Variants in TAMM41 observed in about 807,000 individuals in gnomAD.
TAMM41 encodes the protein phosphatidate cytidylyltransferase, mitochondrial.
A neutral mutation model predicts 44.1 loss-of-function variants in TAMM41; 36 were observed. The observed-to-expected ratio is 0.82, with a 90% CI of 0.63 to 1.08. The LOEUF (loss-of-function observed/expected upper bound fraction) is 1.08. Among genes scored for constraint, TAMM41 ranks in the 50% least tolerant of loss-of-function variants. The pLI is 0.00. For synonymous variants in TAMM41, 164 were observed against 153.1 expected (o/e 1.07, Z -0.53); for missense variants, 417 against 404.3 (o/e 1.03, Z -0.27).
At chr3:11,781,887 G>C in the TAMM41 span, among the ~76,000 whole-genome samples, 2 of 152,120 alleles carry the variant, frequency 1.3e-5, no homozygotes, top group Admixed American at 6.5e-5. Context: ...TAAGGTGAAG[G>C]AGTTTAGATG....
intron 3 of TAMM41, among the ~76,000 whole-genome samples, chr3:11,835,944 C>T (rs1008850671): frequency 6.6e-6 from 1 of 151,766 alleles, no homozygotes. Context: ...TTCTGAAACA[C>T]TGAGTTCTTC....
At chr3:11,773,634 A>G in the TAMM41 span, among the ~76,000 whole-genome samples, 3 of 152,216 alleles carry the variant, frequency 2.0e-5, no homozygotes, top group South Asian at 6.2e-4. Context: ...GTAGCTCAAC[A>G]GCTTGTTTTC....
At chr3:11,738,563 G>A in the TAMM41 span, among the ~76,000 whole-genome samples, 1 of 152,124 alleles carries the variant, frequency 6.6e-6, no homozygotes, top group South Asian at 2.1e-4. Flanking sequence ...GCCCTTAGGA[G>A]TACCCACCGA....
Position 11,809,520 on chromosome 3 carries a change from G to T in TAMM41, c.871C>A (p.Leu291Ile). Residue 291 changes from leucine to isoleucine, a missense_variant, in exon 6 of 8, where the codon CTA becomes ATA. Physicochemically the swap from Leu to Ile is conservative, Grantham distance 5. Coordinates refer to ENST00000455809, the MANE Select transcript of TAMM41 (RefSeq NM_001284401.2). ...AACATCAAATTCATAAACGTACCTA[G>T]TCGCACCACATCTCCACAGTCGGGA... ...HDPDCGDVVRLGLSAIVRPSS... is the reference protein window; with the variant it reads ...HDPDCGDVVRIGLSAIVRPSS... 1 of 1,613,622 alleles carries T rather than the reference G, an allele frequency of 6.2e-7. No homozygotes were observed. The highest frequency in any genetic ancestry group is 8.5e-7 in the Non-Finnish European group (1 of 1,179,942).
chr3:11,814,258 C>T (rs961960976), intron 5 of TAMM41, among the ~76,000 whole-genome samples: 1 of 151,906 alleles, frequency 6.6e-6, no homozygotes, highest in Non-Finnish European at 1.5e-5. Context: ...TCTAACATAA[C>T]AGACTAGAGT....
In TAMM41 at chr3:11,835,385, A is replaced by G. The variant is rs945631408; in HGVS notation, c.411+3837T>C. ...AAAATATGTTCATCACTTTCAAATG[A>G]CTTTATGATACCCTAATTTTCTTGT... On this transcript the variant is annotated intron_variant, in intron 3 of 7. Transcript: ENST00000455809. Among the ~76,000 whole-genome samples the G allele has an allele frequency of 5.3e-5, 8 of 152,328 alleles. No individual in the cohort carries two copies. The South Asian group carries it at 6.2e-4, about 12-fold the overall frequency.
chr3:11,762,290 G>A, the TAMM41 span, among the ~76,000 whole-genome samples: 1 of 152,148 alleles, frequency 6.6e-6, no homozygotes, highest in African/African-American at 2.4e-5. Flanking sequence ...CTTGACCTGA[G>A]CTCCCACACT....
In TAMM41 at chr3:11,807,801, G is replaced by C. The variant is rs1056377548; in HGVS notation, c.937+32C>G. On this transcript the variant is annotated intron_variant, in intron 7 of 7. Transcript: ENST00000455809. ...AGTGTGGAAGCCACTCAGTCAGCAG[G>C]TATGTTACACACGGATTTCCAAAGC... The C allele has an allele frequency of 5.2e-6, 8 of 1,536,066 alleles. No individual in the cohort carries two copies. In the East Asian group the frequency reaches 2.0e-4, roughly 38 times the overall value.
At chr3:11,786,136 C>T (rs1231542226), downstream of TAMM41, among the ~76,000 whole-genome samples, 1 of 152,046 alleles carries the variant, frequency 6.6e-6, no homozygotes, top group Non-Finnish European at 1.5e-5. Context: ...CAATACAGGG[C>T]TGTTAGCAGC....
At chr3:11,844,430 A>G (rs1445973791) in intron 1 of TAMM41, among the ~76,000 whole-genome samples, 1 of 152,100 alleles carries the variant, frequency 6.6e-6, no homozygotes, top group African/African-American at 2.4e-5. Context: ...TTGTGCCAGC[A>G]CTCTTTAAAC....
the TAMM41 span, among the ~76,000 whole-genome samples, chr3:11,748,670 C>T: frequency 4.6e-5 from 7 of 152,252 alleles, no homozygotes; most frequent in South Asian, 1.4e-3. Context: ...TGAGCCACTG[C>T]ACCTGGCCTG....
chr3:11,839,177 A>C, intron 3 of TAMM41, 45 bp downstream of exon 3: 1 of 1,258,540 alleles, frequency 7.9e-7, no homozygotes, highest in Non-Finnish European at 1.1e-6. Flanking sequence ...GGTTAGGCTC[A>C]GAGAGGAAAG....
intron 5 of TAMM41, among the ~76,000 whole-genome samples, chr3:11,816,791 AC>A (rs200807169): frequency 0.018 from 2,703 of 152,110 alleles, 68 homozygotes; most frequent in African/African-American, 0.054. Flanking sequence ...AGAAAAAAAA[AC>A]AACAACAACC....
chr3:11,744,843 A>G, the TAMM41 span, among the ~76,000 whole-genome samples: 1 of 151,630 alleles, frequency 6.6e-6, no homozygotes, highest in African/African-American at 2.4e-5. Flanking sequence ...ACTGAGCAAC[A>G]CTGCAAGACC....
At position 11,809,560 on chromosome 3, in the gene TAMM41, G is replaced by A; in HGVS notation, c.831C>T (p.Phe277=). The A allele has an allele frequency of 3.7e-6, 6 of 1,614,118 alleles. No individual in the cohort carries two copies. Among genetic ancestry groups the A allele is most frequent in the Non-Finnish European group, 5.1e-6 (6 of 1,180,034 alleles). Residue 277 remains phenylalanine, a synonymous_variant, in exon 6 of 8, where the codon TTC becomes TTT. Coordinates refer to ENST00000455809, the MANE Select transcript of TAMM41 (RefSeq NM_001284401.2). ...GKNRDVEETL[F]QVAHDPDCGD... The stretch of plus-strand genomic sequence containing the variant: ...CACAGTCGGGATCATGAGCCACTTG[G>A]AATAAAGTTTCTTCCACATCTCTGT...
the TAMM41 span, among the ~76,000 whole-genome samples, chr3:11,767,807 T>C: frequency 1.4e-4 from 21 of 151,102 alleles, no homozygotes; most frequent in African/African-American, 4.6e-4. Context: ...TGAATTTTAG[T>C]AGAGATGGGG....
chr3:11,769,746 G>A, the TAMM41 span, among the ~76,000 whole-genome samples: 3 of 152,228 alleles, frequency 2.0e-5, no homozygotes, highest in Admixed American at 6.5e-5. Context: ...AATCAGAATG[G>A]GGTGAGGGAA....
At chr3:11,767,791 A>G in the TAMM41 span, among the ~76,000 whole-genome samples, 171 of 151,272 alleles carry the variant, frequency 1.1e-3, no homozygotes, top group African/African-American at 4.1e-3. Context: ...ACACCTGGCT[A>G]ATTTTTGAAT....
intron 6 of TAMM41, chr3:11,808,581 T>C: frequency 4.1e-6 from 4 of 985,406 alleles, no homozygotes; most frequent in Non-Finnish European, 3.6e-6. Context: ...CAGTAAATAT[T>C]TACTGAATGA....
Sources: allele counts gnomAD v4.1 joint callset (sites outside exome capture counted in the v4.1 genomes callset), GRCh38; gene constraint gnomAD v4.1.1; transcripts MANE v1.5; gene names NCBI Gene and HGNC (gene_info 2026-07-23, HGNC 2026-07-21).